The following PLEKHM3 variants were observed in gnomAD, a reference collection of about 807,000 sequenced individuals.
PLEKHM3 encodes pleckstrin homology domain containing M3, also known as pleckstrin homology domain-containing family M member 3.
PLEKHM3 carries 45 observed loss-of-function variants against 81.8 expected under a neutral mutation model. The observed-to-expected ratio is 0.55, with a 90% confidence interval of 0.43 to 0.71. The LOEUF is 0.71. Among genes scored for constraint, PLEKHM3 ranks in the 30% least tolerant of loss-of-function variants. The pLI, the probability that PLEKHM3 is intolerant of heterozygous loss-of-function variation, is 0.00. For synonymous variants in PLEKHM3, 352 were observed against 356.4 expected (o/e 0.99, Z 0.14); for missense variants, 788 against 924.3 (o/e 0.85, Z 1.91).
chr2:207,901,456 A>T (rs2105888639), intron 6 of PLEKHM3: 1 of 650,316 alleles, frequency 1.5e-6, no homozygotes, highest in Middle Eastern at 2.4e-4. Context: ...GGACATCAAG[A>T]CTGAAAGTGA....
chr2:208,023,156 T>C (rs1215923180), intron 1 of PLEKHM3, among the ~76,000 whole-genome samples: 1 of 152,066 alleles, frequency 6.6e-6, no homozygotes, highest in African/African-American at 2.4e-5. Context: ...TAACCTTTTT[T>C]TTTTTTATGA....
rs186840471 is a variant in PLEKHM3 at position 207,922,850 on chromosome 2, C to G, written c.1886+8076G>C. 3.0e-3 allele frequency among the ~76,000 whole-genome samples: 449 copies of G among 151,424 alleles called. 1 individual carries two copies. Among genetic ancestry groups the G allele is most frequent in the Non-Finnish European group, 4.6e-3 (310 of 67,886 alleles). ...GAAGACCATCCAAGCCCTTAAGTGC[C>G]AAATGCGTGGTCCAGATGATCACTG... On this transcript the variant is annotated intron_variant, in intron 5 of 7. Coordinates refer to ENST00000427836, the MANE Select transcript of PLEKHM3 (RefSeq NM_001080475.3).
At chr2:207,839,700 G>C (rs1055838564) in intron 7 of PLEKHM3, among the ~76,000 whole-genome samples, 18 of 152,090 alleles carry the variant, frequency 1.2e-4, no homozygotes, top group Admixed American at 1.2e-3. Flanking sequence ...TTGAGAGGCT[G>C]AGGCAGGATG....
chr2:207,824,222 C>T lies in PLEKHM3; in HGVS notation c.*4097G>A, dbSNP rs987624265. ...AGGCTCTTTCAAGGTCTTGCTCCAA[C>T]TTCACGTTTTCACATTATTTCAGAG... On this transcript the variant is annotated 3_prime_UTR_variant, in exon 8 of 8. Transcript: ENST00000427836. 2.0e-5 allele frequency: 3 copies of T among 152,242 alleles called. No homozygotes were observed. Among genetic ancestry groups the T allele is most frequent in the Non-Finnish European group, 4.4e-5 (3 of 68,040 alleles). The allele number at this position is 152,242 out of a possible 1,614,324, so 9.4% of individuals were successfully genotyped here.
chr2:208,004,484 A>G (rs1692430936), intron 1 of PLEKHM3, among the ~76,000 whole-genome samples: 3 of 152,244 alleles, frequency 2.0e-5, no homozygotes, highest in Middle Eastern at 6.8e-3. Flanking sequence ...TCTAACCCAC[A>G]TGGTCTAAAG....
chr2:207,844,509 T>C (rs1378434149), intron 7 of PLEKHM3, among the ~76,000 whole-genome samples: 3 of 151,010 alleles, frequency 2.0e-5, no homozygotes, highest in Non-Finnish European at 4.4e-5. Context: ...GGTTTCACCG[T>C]GTTAGCCAGG....
intron 3 of PLEKHM3, among the ~76,000 whole-genome samples, chr2:207,965,651 T>C (rs542083189): frequency 2.0e-5 from 3 of 152,362 alleles, no homozygotes; most frequent in African/African-American, 4.8e-5. Context: ...ACAAATTATA[T>C]AACATTCTTC....
In PLEKHM3 at chr2:207,934,837, G is replaced by A. The variant is rs116640935; in HGVS notation, c.1693-3718C>T. Among the ~76,000 whole-genome samples, 422 of 152,250 alleles carry A rather than the reference G, an allele frequency of 2.8e-3. 6 individuals carry two copies. The highest frequency in any genetic ancestry group is 9.6e-3 in the African/African-American group (398 of 41,554). On this transcript the variant is annotated intron_variant, in intron 4 of 7. Transcript: ENST00000427836. ...TCGAACATAATACGACTTTTGTTAC[G>A]CTAGTGACAGCCACTTCTTAAAAAC...
chr2:207,985,987 CAA>C (rs35964669), intron 2 of PLEKHM3, among the ~76,000 whole-genome samples: 3,718 of 120,846 alleles, frequency 0.031, 67 homozygotes, highest in Middle Eastern at 0.11. Flanking sequence ...GACTCCGTCT[CAA>C]AAAAAAAAAA....
chr2:207,969,492 C>A (rs2106014317), intron 3 of PLEKHM3, among the ~76,000 whole-genome samples: 1 of 152,270 alleles, frequency 6.6e-6, no homozygotes, highest in Admixed American at 6.5e-5. Context: ...CAGGCCTTTG[C>A]CAGAAATACG....
intron 3 of PLEKHM3, among the ~76,000 whole-genome samples, chr2:207,955,707 T>A (rs1214535869): frequency 6.6e-6 from 1 of 152,222 alleles, no homozygotes; most frequent in Non-Finnish European, 1.5e-5. Context: ...CAATGTGGCA[T>A]TTTCAGGTAG....
chr2:207,976,887 C>A lies in PLEKHM3; in HGVS notation c.1310G>T (p.Arg437Leu). Residue 437 changes from arginine (R) to leucine (L), a missense_variant, in exon 3 of 8, where the codon CGA (arginine) becomes CTA (leucine). Physicochemically the swap from Arg to Leu is moderately radical, Grantham distance 102. Transcript: ENST00000427836. This position sits in a 1 kb window ranked among gnomAD's most constrained non-coding sequence, Gnocchi z 4.1. Reference sequence around the variant, plus strand: ...CTGAGCCCTCTGTCGGGTCTCAGCTCGGAGGCGAAGGACATCCTGGGGGAA... The same window carrying A: ...CTGAGCCCTCTGTCGGGTCTCAGCTAGGAGGCGAAGGACATCCTGGGGGAA... ...VIFPQDVLRL[R>L]AETRQRAQEW... is the part of the protein sequence containing the mutation. 6.2e-7 allele frequency: 1 copy of A among 1,614,190 alleles called. No individual in the cohort carries two copies. The highest frequency in any genetic ancestry group is 8.5e-7 in the Non-Finnish European group (1 of 1,180,044).
chr2:208,022,201 A>T (rs1460108168), intron 1 of PLEKHM3, among the ~76,000 whole-genome samples: 1 of 152,164 alleles, frequency 6.6e-6, no homozygotes, highest in Non-Finnish European at 1.5e-5. Flanking sequence ...GTTGAGGAGG[A>T]TTTTTGAAAA....
chr2:208,017,580 C>T (rs920714155), intron 1 of PLEKHM3, among the ~76,000 whole-genome samples: 7 of 152,074 alleles, frequency 4.6e-5, no homozygotes, highest in Non-Finnish European at 8.8e-5. Context: ...GAATAAAATC[C>T]ATCTTTGCCA....
At chr2:208,016,666 A>ATACACACACACACACAC (rs1468410522) in intron 1 of PLEKHM3, among the ~76,000 whole-genome samples, 28 of 34,078 alleles carry the variant, frequency 8.2e-4, no homozygotes, top group African/African-American at 1.4e-3. Flanking sequence ...AAAAAAAAAA[A>ATACACACACACACACAC]AAATACACAC....
At chr2:207,980,461 T>C (rs888192926) in intron 2 of PLEKHM3, among the ~76,000 whole-genome samples, 1 of 152,162 alleles carries the variant, frequency 6.6e-6, no homozygotes, top group Non-Finnish European at 1.5e-5. Context: ...CTAAGCAACA[T>C]TTCCTATCTC....
intron 6 of PLEKHM3, among the ~76,000 whole-genome samples, chr2:207,896,721 C>T (rs1341799285): frequency 6.6e-6 from 1 of 152,190 alleles, no homozygotes; most frequent in Non-Finnish European, 1.5e-5. Flanking sequence ...GAATGTACTG[C>T]AAATTCTATG....
intron 5 of PLEKHM3, among the ~76,000 whole-genome samples, chr2:207,921,223 A>C (rs537068903): frequency 1.3e-5 from 2 of 151,566 alleles, no homozygotes; most frequent in African/African-American, 4.8e-5. Context: ...TAATTTTTGT[A>C]TTTTTCGCAG....
chr2:207,972,129 CAG>C (rs1225608176), intron 3 of PLEKHM3, among the ~76,000 whole-genome samples: 1 of 152,198 alleles, frequency 6.6e-6, no homozygotes, highest in East Asian at 1.9e-4. Flanking sequence ...TGCTTTCCTC[CAG>C]CACTGACCCA....
Sources: gnomAD v4.1 joint callset for allele counts (sites outside exome capture counted in the v4.1 genomes callset) on GRCh38, gnomAD v4.1.1 for gene constraint, Gnocchi (gnomAD v3.1) non-coding constraint, MANE v1.5 for transcripts, NCBI Gene and HGNC (gene_info 2026-07-23, HGNC 2026-07-21) for gene names.